ACOX3: variants seen among roughly 807,000 people sequenced by gnomAD.
The protein encoded by ACOX3 is peroxisomal acyl-coenzyme A oxidase 3.
In ACOX3, 73 loss-of-function variants were observed where a neutral mutation model predicts 81.5. That is an observed-to-expected ratio of 0.90 (90% confidence interval 0.74 to 1.09). ACOX3 has a LOEUF of 1.09. ACOX3 is among the 50% of genes least tolerant of loss of function. The probability of loss-of-function intolerance (pLI) is 0.00; values close to 1 mark genes in which losing one functional copy is unlikely to be tolerated. For synonymous variants in ACOX3, 387 were observed against 375.1 expected (o/e 1.03, Z -0.37); for missense variants, 947 against 928.0 (o/e 1.02, Z -0.27).
chr4:8,420,009 T>C (rs1578982320), intron 1 of ACOX3, among the ~76,000 whole-genome samples: 1 of 152,246 alleles, frequency 6.6e-6, no homozygotes, highest in African/African-American at 2.4e-5. Flanking sequence ...GTTACTGAGC[T>C]GGTGCTGTGT....
chr4:8,379,576 G>A (rs986675734), intron 14 of ACOX3, among the ~76,000 whole-genome samples: 2 of 152,170 alleles, frequency 1.3e-5, no homozygotes, highest in Admixed American at 1.3e-4. Context: ...GTGAGGAGGG[G>A]TTTCTCAGCA....
In ACOX3 at chr4:8,407,870, C is replaced by T. The variant is rs551519928; in HGVS notation, c.688-1827G>A. Among the ~76,000 whole-genome samples, 1 of 152,222 alleles carries T rather than the reference C, an allele frequency of 6.6e-6. No individual in the cohort carries two copies. On this transcript the variant is annotated intron_variant, in intron 6 of 17. Transcript: ENST00000356406. This position sits in a 1 kb window ranked among gnomAD's most constrained non-coding sequence, Gnocchi z 4.6. Reference sequence around the variant, plus strand: ...CAACCATGAGACGTGCCACCTTCCCCTTCCCCACCAGGGGACACGGGTGGT... The same window carrying T: ...CAACCATGAGACGTGCCACCTTCCCTTTCCCCACCAGGGGACACGGGTGGT...
At chr4:8,396,679 GAAAAAAAAAAA>G (rs531424752) in intron 9 of ACOX3, among the ~76,000 whole-genome samples, 1 of 100,686 alleles carries the variant, frequency 9.9e-6, no homozygotes, top group Admixed American at 1.1e-4. Flanking sequence ...CTCCGTCTGG[GAAAAAAAAAAA>G]AAAAAAAAAA....
rs1718288265 is a variant in ACOX3, at chr4:8,386,331, C to T, written c.1537+2842G>A. 6.6e-6 allele frequency among the ~76,000 whole-genome samples: 1 copy of T among 152,002 alleles called. No individual in the cohort carries two copies. The highest frequency in any genetic ancestry group is 1.5e-5 in the Non-Finnish European group (1 of 68,022). On this transcript the variant is annotated intron_variant, in intron 13 of 17. Transcript: ENST00000356406. The surrounding 1 kb of genome is among the most constrained non-coding windows in gnomAD (Gnocchi z 5.2). ...CCTGTGATCCCAGCACTTCGGGAGG[C>T]CAAGGTGGGCGGATCACGAGGTCAG...
intron 14 of ACOX3, among the ~76,000 whole-genome samples, chr4:8,376,403 C>T (rs1012007183): frequency 3.3e-5 from 5 of 151,986 alleles, no homozygotes; most frequent in African/African-American, 1.2e-4. Context: ...GGACTGACTG[C>T]TGCAGGAGGA....
At chr4:8,420,642 C>T (rs995716871) in intron 1 of ACOX3, among the ~76,000 whole-genome samples, 1 of 149,974 alleles carries the variant, frequency 6.7e-6, no homozygotes, top group African/African-American at 2.4e-5. Flanking sequence ...CTTTGGGTAC[C>T]CCCCCGTTGA....
rs1718693350 is a variant in ACOX3, at chr4:8,389,382, G to A, written c.1424-96C>T. 5 of 1,365,810 alleles carry A rather than the reference G, an allele frequency of 3.7e-6. No homozygotes were observed. Among genetic ancestry groups the A allele is most frequent in the Non-Finnish European group, 4.0e-6 (4 of 991,060 alleles). The allele number at this position is 1,365,810 out of a possible 1,614,324, so 84.6% of individuals were successfully genotyped here. A position where few individuals can be genotyped will look rare whatever the true frequency, so the allele number is the denominator to read the frequency against. On this transcript the variant is annotated intron_variant, in intron 12 of 17. Coordinates refer to ENST00000356406, the MANE Select transcript of ACOX3 (RefSeq NM_003501.3). The surrounding 1 kb of genome is among the most constrained non-coding windows in gnomAD (Gnocchi z 5.3). ...CACCCCAAAGCACAGAGAGTGTCCA[G>A]AGGACCCGACGGCCACAGACCCACA... is the stretch of plus-strand genomic sequence containing the variant.
chr4:8,394,515 C>T lies in ACOX3; in HGVS notation c.1179+105G>A, dbSNP rs553275273. 31 of 1,486,596 alleles carry T rather than the reference C, an allele frequency of 2.1e-5. No homozygotes were observed. The highest frequency in any genetic ancestry group is 2.1e-4 in the African/African-American group (15 of 72,336). The allele number at this position is 1,486,596 out of a possible 1,614,324, so 92.1% of individuals were successfully genotyped here. ...AACAACTGGAGGAATGCTCTGTCCT[C>T]GCAAATCAAAGGACTGATTTTGCTT... On this transcript the variant is annotated intron_variant, in intron 10 of 17. Coordinates refer to ENST00000356406, the MANE Select transcript of ACOX3 (RefSeq NM_003501.3). This position sits in a 1 kb window ranked among gnomAD's most constrained non-coding sequence, Gnocchi z 5.9.
At chr4:8,380,433 C>A (rs1717497023) in intron 14 of ACOX3, among the ~76,000 whole-genome samples, 5 of 152,184 alleles carry the variant, frequency 3.3e-5, no homozygotes, top group Admixed American at 3.3e-4. Flanking sequence ...TTGTAATCCA[C>A]CCGTCTCAGC....
chr4:8,376,304 G>A (rs953633205), intron 14 of ACOX3, among the ~76,000 whole-genome samples: 3 of 151,462 alleles, frequency 2.0e-5, no homozygotes, highest in African/African-American at 4.9e-5. Context: ...AACAACACAC[G>A]CATTGCTTGA....
the ACOX3 span, among the ~76,000 whole-genome samples, chr4:8,360,385 C>T: frequency 6.6e-6 from 1 of 151,880 alleles, no homozygotes; most frequent in African/African-American, 2.4e-5. Flanking sequence ...ATAAAAATAT[C>T]TTCAAACATG....
In ACOX3 at chr4:8,370,906, A is replaced by G; in HGVS notation, c.1983+2T>C. On this transcript the variant is annotated splice_donor_variant, in intron 17 of 17. Coordinates refer to ENST00000356406, the MANE Select transcript of ACOX3 (RefSeq NM_003501.3). LOFTEE classifies it high-confidence loss of function. This position sits in a 1 kb window ranked among gnomAD's most constrained non-coding sequence, Gnocchi z 6.3. ...TCCCGTGAGGCCCTGTCCTCCCTTT[A>G]CCTCGCCGTCGGCTCTGCCAATCGG... is the stretch of plus-strand genomic sequence containing the variant. 1 of 1,613,412 alleles carries G rather than the reference A, an allele frequency of 6.2e-7. No individual in the cohort carries two copies. Among genetic ancestry groups the G allele is most frequent in the Non-Finnish European group, 8.5e-7 (1 of 1,179,874 alleles).
Position 8,374,969 on chromosome 4 carries a change from A to C in ACOX3, c.1828+9T>G. On this transcript the variant is annotated intron_variant, in intron 15 of 17. Coordinates refer to ENST00000356406, the MANE Select transcript of ACOX3 (RefSeq NM_003501.3). ...GGGAGGACAGCAAGCCCGCAGTCAG[A>C]AGCCTCACCTCGGTAGAGCAGGGCC... The C allele has an allele frequency of 4.0e-6, 6 of 1,499,404 alleles. No individual in the cohort carries two copies. The highest frequency in any genetic ancestry group is 5.4e-6 in the Non-Finnish European group (6 of 1,116,256). The allele number at this position is 1,499,404 out of a possible 1,614,324, so 92.9% of individuals were successfully genotyped here.
intron 14 of ACOX3, among the ~76,000 whole-genome samples, chr4:8,379,502 T>C (rs1159126151): frequency 6.6e-6 from 1 of 152,162 alleles, no homozygotes; most frequent in Non-Finnish European, 1.5e-5. Context: ...CCAGGACCCC[T>C]CCTGGCCTCT....
At chr4:8,362,779 T>C (rs139505960), downstream of ACOX3, among the ~76,000 whole-genome samples, 847 of 152,332 alleles carry the variant, frequency 5.6e-3, 8 homozygotes, top group Middle Eastern at 0.037. Context: ...TCATAGGTAT[T>C]TGAGGGTACA....
rs1722401189 is a variant in ACOX3, at chr4:8,416,856, C to A, written c.-14-321G>T. 6.6e-6 allele frequency among the ~76,000 whole-genome samples: 1 copy of A among 152,234 alleles called. No individual in the cohort carries two copies. The highest frequency in any genetic ancestry group is 2.4e-5 in the African/African-American group (1 of 41,452). On this transcript the variant is annotated intron_variant, in intron 1 of 17. Transcript: ENST00000356406. The surrounding 1 kb of genome is among the most constrained non-coding windows in gnomAD (Gnocchi z 4.2). ...TGTCACACAGCCTTGCCTGAGAGTA[C>A]CCTGCCCTCTTGGGAGCACCCCGGA...
Position 8,399,008 on chromosome 4 carries a change from G to A in ACOX3, c.873+548C>T, listed in dbSNP as rs1041360602. On this transcript the variant is annotated intron_variant, in intron 8 of 17. Coordinates refer to ENST00000356406, the MANE Select transcript of ACOX3 (RefSeq NM_003501.3). The surrounding 1 kb of genome is among the most constrained non-coding windows in gnomAD (Gnocchi z 4.9). ...TCCCCATCATGCTCCTTTTCCATCC[G>A]TGCTTCCTGATGTCAGATGCTGCAT... Among the ~76,000 whole-genome samples the A allele has an allele frequency of 2.0e-5, 3 of 152,094 alleles. No individual in the cohort carries two copies. The highest frequency in any genetic ancestry group is 2.4e-5 in the African/African-American group (1 of 41,406).
chr4:8,399,894 G>A lies in ACOX3; in HGVS notation c.777-242C>T, dbSNP rs1720173493. On this transcript the variant is annotated intron_variant, in intron 7 of 17. Transcript: ENST00000356406. This position sits in a 1 kb window ranked among gnomAD's most constrained non-coding sequence, Gnocchi z 4.9. ...GCAGGAGGATTGCTTGAGCCCAGGA[G>A]TTTGAGACCAGCCTGGGCAACACAG... Among the ~76,000 whole-genome samples the A allele has an allele frequency of 6.6e-6, 1 of 152,180 alleles. No homozygotes were observed. Among genetic ancestry groups the A allele is most frequent in the Non-Finnish European group, 1.5e-5 (1 of 68,032 alleles).
intron 1 of ACOX3, among the ~76,000 whole-genome samples, chr4:8,417,527 CTG>C (rs1491058142): frequency 2.6e-5 from 4 of 152,362 alleles, no homozygotes; most frequent in South Asian, 2.1e-4. Flanking sequence ...CTCAGAGAGG[CTG>C]TGTTTCCCAA....
Sources: gnomAD v4.1 joint callset for allele counts (sites outside exome capture counted in the v4.1 genomes callset) on GRCh38, gnomAD v4.1.1 for gene constraint, Gnocchi (gnomAD v3.1) non-coding constraint, MANE v1.5 for transcripts, NCBI Gene and HGNC (gene_info 2026-07-23, HGNC 2026-07-21) for gene names.